Variants in CCDC6 observed in about 807,000 individuals in gnomAD.
CCDC6 encodes the protein coiled-coil domain containing 6, also known as coiled-coil domain-containing protein 6.
Under a neutral mutation model 56.6 loss-of-function variants are expected in CCDC6, and 20 were observed. That is an observed-to-expected ratio of 0.35 (90% CI 0.25 to 0.51). The LOEUF (loss-of-function observed/expected upper bound fraction) is 0.51. Ranked by LOEUF, CCDC6 falls within the 20% of genes least tolerant of loss-of-function variation. The pLI is 0.95. For synonymous variants in CCDC6, 241 were observed against 234.4 expected, an observed-to-expected ratio of 1.03 and a Z score of -0.26; for missense variants, 367 against 601.1, an observed-to-expected ratio of 0.61 and a Z score of 4.07.
chr10:59,854,661 T>C (rs1589050841), intron 1 of CCDC6, among the ~76,000 whole-genome samples: 1 of 152,190 alleles, frequency 6.6e-6, no homozygotes, highest in Non-Finnish European at 1.5e-5. Flanking sequence ...TGAGAACTCA[T>C]ACTTCTCCTC....
intron 4 of CCDC6, among the ~76,000 whole-genome samples, chr10:59,813,995 TAC>T (rs985413136): frequency 6.6e-6 from 1 of 152,186 alleles, no homozygotes; most frequent in African/African-American, 2.4e-5. Context: ...TTTACACCCG[TAC>T]ACACATTCCA....
chr10:59,824,940 A>G (rs1338746485), intron 3 of CCDC6, among the ~76,000 whole-genome samples: 3 of 152,234 alleles, frequency 2.0e-5, no homozygotes, highest in East Asian at 3.8e-4. Context: ...TCCTTAATGC[A>G]AGTGACTCCT....
At chr10:59,889,054 C>T (rs894650491) in intron 1 of CCDC6, among the ~76,000 whole-genome samples, 23 of 152,068 alleles carry the variant, frequency 1.5e-4, no homozygotes, top group African/African-American at 1.4e-4. Context: ...AGGGGACCCA[C>T]GCACGCTTCA....
In CCDC6 at chr10:59,790,457, T is replaced by C. The variant is rs2070458006; in HGVS notation, c.*2460A>G. On this transcript the variant is annotated 3_prime_UTR_variant, in exon 9 of 9. Transcript: ENST00000263102. ...TGAGGGGGCTGTTGCCATTATGGGC[T>C]CAGAATCTAAATCTTACTGATCCCT... 1 of 218,636 alleles carries C rather than the reference T, an allele frequency of 4.6e-6. No individual in the cohort carries two copies. The highest frequency in any genetic ancestry group is 2.3e-5 in the African/African-American group (1 of 44,418). The allele number at this position is 218,636 out of a possible 1,614,324, so 13.5% of individuals were successfully genotyped here. A position where few individuals can be genotyped will look rare whatever the true frequency, so the allele number is the denominator to read the frequency against.
chr10:59,906,188 G>C lies in CCDC6; in HGVS notation c.237C>G (p.Thr79=), dbSNP rs2071544685. ...ENKVLKIELE[T]YKLKCKALQE... is the part of the protein sequence containing the mutation. ...GCAGTGCCTTGCACTTCAGTTTGTA[G>C]GTCTCCAGCTCTATCTTCAGCACCT... Residue 79 remains threonine (T), a synonymous_variant, in exon 1 of 9, where the codon ACC becomes ACG. Transcript: ENST00000263102. 6.2e-7 allele frequency: 1 copy of C among 1,612,272 alleles called. No homozygotes were observed. The highest frequency in any genetic ancestry group is 8.5e-7 in the Non-Finnish European group (1 of 1,179,322).
intron 1 of CCDC6, among the ~76,000 whole-genome samples, chr10:59,895,216 C>T (rs2071452934): frequency 6.6e-6 from 1 of 152,170 alleles, no homozygotes. Context: ...GTGGGAGGAT[C>T]ACCTGAGCTT....
chr10:59,812,894 G>A lies in CCDC6; in HGVS notation c.687-99C>T, dbSNP rs547174277. The A allele has an allele frequency of 5.1e-4, 402 of 784,554 alleles. 1 individual carries two copies. The African/African-American group carries it at 5.7e-3, about 11-fold the overall frequency. The allele number at this position is 784,554 out of a possible 1,614,324, so 48.6% of individuals were successfully genotyped here. On this transcript the variant is annotated intron_variant, in intron 4 of 8. Coordinates refer to ENST00000263102, the MANE Select transcript of CCDC6 (RefSeq NM_005436.5). ...AGGTTTGTTTTAAAAGCAAACTCCT[G>A]TTTACTGCCAGAATTCACAGGGTTG...
chr10:59,794,625 A>C, intron 7 of CCDC6, 28 bp from the exon 8 acceptor site: 1 of 1,610,248 alleles, frequency 6.2e-7, no homozygotes, highest in Non-Finnish European at 8.5e-7. Flanking sequence ...ATTAAGTATC[A>C]TTTTAAGCTC....
chr10:59,897,965 G>C (rs1189896490), intron 1 of CCDC6, among the ~76,000 whole-genome samples: 1 of 152,138 alleles, frequency 6.6e-6, no homozygotes, highest in Non-Finnish European at 1.5e-5. Context: ...AGATCACTTT[G>C]GACACACACC....
At chr10:59,900,990 AGAG>A (rs1447501132) in intron 1 of CCDC6, among the ~76,000 whole-genome samples, 4 of 152,194 alleles carry the variant, frequency 2.6e-5, no homozygotes, top group South Asian at 2.1e-4. Context: ...CCTGGGGGGC[AGAG>A]GTTGCAGTGA....
chr10:59,857,451 A>T (rs1469873048), intron 1 of CCDC6, among the ~76,000 whole-genome samples: 2 of 152,220 alleles, frequency 1.3e-5, no homozygotes, highest in Non-Finnish European at 2.9e-5. Flanking sequence ...AAGGGTTAGT[A>T]CAGAAAGAAT....
At chr10:59,846,639 T>C (rs1377386962) in intron 2 of CCDC6, among the ~76,000 whole-genome samples, 1 of 152,238 alleles carries the variant, frequency 6.6e-6, no homozygotes, top group African/African-American at 2.4e-5. Context: ...TTATTATAGT[T>C]AGAGCAGCAT....
chr10:59,898,586 T>G (rs1267558463), intron 1 of CCDC6, among the ~76,000 whole-genome samples: 1 of 152,208 alleles, frequency 6.6e-6, no homozygotes, highest in Non-Finnish European at 1.5e-5. Flanking sequence ...AGAGAAAGGC[T>G]GTTTCCCTCT....
intron 1 of CCDC6, among the ~76,000 whole-genome samples, chr10:59,894,582 T>TA (rs1564759593): frequency 1.3e-5 from 2 of 148,396 alleles, no homozygotes; most frequent in South Asian, 2.2e-4. Context: ...TTGAAAAAAA[T>TA]AAAAAAACCC....
In CCDC6 at chr10:59,792,964, G is replaced by A. The variant is rs1466005873; in HGVS notation, c.1378C>T (p.Gln460Ter). 3 of 1,612,744 alleles carry A rather than the reference G, an allele frequency of 1.9e-6. No individual in the cohort carries two copies. The highest frequency in any genetic ancestry group is 2.5e-6 in the Non-Finnish European group (3 of 1,179,320). ...GCCGAATGTTGCGAAGGAGTAGGCTGCGAGGTGGCTGCTGAGGGGACCGTG... is the reference window on the plus strand; with the variant it reads ...GCCGAATGTTGCGAAGGAGTAGGCTACGAGGTGGCTGCTGAGGGGACCGTG... ...QPTVPSAATS[Q>*]PTPSQHSAHP... The change falls in exon 9 of 9, where the codon CAG (glutamine) becomes TAG (stop). Residue 460 changes from glutamine (Q) to a stop codon, truncating the protein, a stop_gained. Coordinates refer to ENST00000263102, the MANE Select transcript of CCDC6 (RefSeq NM_005436.5). LOFTEE classifies it high-confidence loss of function.
At chr10:59,899,747 C>T (rs544515286) in intron 1 of CCDC6, among the ~76,000 whole-genome samples, 45 of 152,308 alleles carry the variant, frequency 3.0e-4, no homozygotes, top group African/African-American at 1.0e-3. Context: ...TTCCTCCAAG[C>T]CCTGCTCAGA....
At chr10:59,828,929 CA>C (rs2070811815) in intron 3 of CCDC6, among the ~76,000 whole-genome samples, 1 of 152,214 alleles carries the variant, frequency 6.6e-6, no homozygotes, top group Non-Finnish European at 1.5e-5. Context: ...TCTAGCTCTA[CA>C]ATTCTGTGAA....
chr10:59,902,369 T>C (rs1229585981), intron 1 of CCDC6, among the ~76,000 whole-genome samples: 4 of 150,802 alleles, frequency 2.7e-5, no homozygotes, highest in Non-Finnish European at 5.9e-5. Flanking sequence ...ACAGCAAATG[T>C]TGGTGAGCAA....
chr10:59,814,275 T>C (rs1350167096), intron 4 of CCDC6, among the ~76,000 whole-genome samples: 5 of 152,184 alleles, frequency 3.3e-5, no homozygotes, highest in African/African-American at 1.2e-4. Context: ...GATGTATAAA[T>C]AATAGTACGC....
Sources: allele counts gnomAD v4.1 joint callset (sites outside exome capture counted in the v4.1 genomes callset), GRCh38; gene constraint gnomAD v4.1.1; transcripts MANE v1.5; gene names NCBI Gene and HGNC (gene_info 2026-07-23, HGNC 2026-07-21).